RASAL2: variants seen among roughly 807,000 people sequenced by gnomAD.
RASAL2 encodes RAS protein activator like 2, also known as ras GTPase-activating protein nGAP.
A neutral mutation model predicts 128.9 loss-of-function variants in RASAL2; 58 were observed. That is an observed-to-expected ratio of 0.45 (90% CI 0.36 to 0.56). RASAL2 has a LOEUF of 0.56. Ranked by LOEUF, RASAL2 falls within the 20% of genes least tolerant of loss-of-function variation. The pLI, the probability that RASAL2 is intolerant of heterozygous loss-of-function variation, is 0.00. For missense variants in RASAL2, 1,360 were observed against 1,601.6 expected (o/e 0.85, Z 2.57); for synonymous variants, 561 against 580.8 (o/e 0.97, Z 0.49).
chr1:178,332,369 G>T (rs947995423), intron 3 of RASAL2, among the ~76,000 whole-genome samples: 2 of 151,846 alleles, frequency 1.3e-5, no homozygotes, highest in Non-Finnish European at 2.9e-5. Context: ...AGCCAGGGGT[G>T]GTGGCAGGCA....
chr1:178,253,961 G>A (rs1665187891), intron 1 of RASAL2, among the ~76,000 whole-genome samples: 1 of 152,156 alleles, frequency 6.6e-6, no homozygotes, highest in Non-Finnish European at 1.5e-5. Flanking sequence ...ATCCGATCCT[G>A]TAAGTCTTCT....
intron 3 of RASAL2, among the ~76,000 whole-genome samples, chr1:178,355,901 T>C (rs1670779225): frequency 6.6e-6 from 1 of 152,188 alleles, no homozygotes; most frequent in African/African-American, 2.4e-5. Context: ...CCAGGCGCGG[T>C]GGCTCACGCC....
chr1:178,329,356 TTGAATTTCCAGTTTAATAGGCCTG>T (rs1195766802), intron 3 of RASAL2, among the ~76,000 whole-genome samples: 1 of 152,182 alleles, frequency 6.6e-6, no homozygotes, highest in Non-Finnish European at 1.5e-5. Flanking sequence ...TTTGAGTTCC[TTGAATTTCCAGTTTAATAGGCCTG>T]TGAATTTCCA....
At chr1:178,429,131 G>A (rs906212762) in intron 5 of RASAL2, among the ~76,000 whole-genome samples, 1 of 152,034 alleles carries the variant, frequency 6.6e-6, no homozygotes, top group Non-Finnish European at 1.5e-5. Context: ...TCTCTTCCAA[G>A]TGCTCACTTG....
chr1:178,296,654 T>G (rs949360613), intron 2 of RASAL2, among the ~76,000 whole-genome samples: 1 of 150,990 alleles, frequency 6.6e-6, no homozygotes, highest in Non-Finnish European at 1.5e-5. Flanking sequence ...GGAGCCCTAC[T>G]GCACCTGGCC....
At chr1:178,426,292 C>G (rs1281805583) in intron 5 of RASAL2, among the ~76,000 whole-genome samples, 1 of 151,942 alleles carries the variant, frequency 6.6e-6, no homozygotes, top group Non-Finnish European at 1.5e-5. Context: ...CATGATATAC[C>G]CGTACAATAG....
At chr1:178,372,235 T>G (rs1382040006) in intron 3 of RASAL2, 1 of 985,286 alleles carries the variant, frequency 1.0e-6, no homozygotes, top group Non-Finnish European at 1.2e-6. Flanking sequence ...GTTTTCTGGC[T>G]GGAGAATGAG....
At position 178,457,769 on chromosome 1, in the gene RASAL2, C is replaced by T; in HGVS notation, c.2477C>T (p.Ser826Phe). The change falls in exon 14 of 18, where the codon TCC becomes TTC. Residue 826 changes from serine (S) to phenylalanine (F), a missense_variant. Physicochemically the swap from Ser to Phe is radical, Grantham distance 155. This residue lies in a region of RASAL2 where 741 missense variants were observed against 868.6 expected (regional missense o/e 0.85). Coordinates refer to ENST00000367649, the MANE Select transcript of RASAL2 (RefSeq NM_170692.4). Reference protein sequence around the residue: ...GKTLLLVQQASSQSMTYSEKD... With the variant: ...GKTLLLVQQAFSQSMTYSEKD... ...ACATTATTGCTGGTTCAGCAAGCCT[C>T]CTCTCAGAGCATGACTTATTCTGAA... The T allele has an allele frequency of 6.2e-7, 1 of 1,614,210 alleles. No individual in the cohort carries two copies. Among genetic ancestry groups the T allele is most frequent in the Non-Finnish European group, 8.5e-7 (1 of 1,180,026 alleles).
intron 2 of RASAL2, among the ~76,000 whole-genome samples, chr1:178,298,463 G>A (rs927612238): frequency 6.6e-6 from 1 of 152,210 alleles, no homozygotes; most frequent in Non-Finnish European, 1.5e-5. Context: ...GGAGGCATTA[G>A]GAATTTGCTC....
chr1:178,422,006 T>C (rs1675174627), intron 5 of RASAL2, among the ~76,000 whole-genome samples: 1 of 151,806 alleles, frequency 6.6e-6, no homozygotes, highest in Non-Finnish European at 1.5e-5. Context: ...AGAATAACAA[T>C]TTTTTTTCAG....
chr1:178,406,845 C>G (rs1674032832), intron 4 of RASAL2, among the ~76,000 whole-genome samples: 1 of 151,346 alleles, frequency 6.6e-6, no homozygotes, highest in African/African-American at 2.4e-5. Flanking sequence ...AATAATTATA[C>G]ATAATGTAGC....
At chr1:178,244,540 C>T (rs1051727055) in intron 1 of RASAL2, among the ~76,000 whole-genome samples, 2 of 152,126 alleles carry the variant, frequency 1.3e-5, no homozygotes, top group African/African-American at 4.8e-5. Context: ...TGTGCCCAGC[C>T]TATTTCTTCT....
chr1:178,207,209 G>T (rs547534619), intron 1 of RASAL2, among the ~76,000 whole-genome samples: 12 of 150,886 alleles, frequency 8.0e-5, no homozygotes, highest in African/African-American at 2.9e-4. Context: ...TGGAAATACT[G>T]ATGTTATGTA....
intron 1 of RASAL2, among the ~76,000 whole-genome samples, chr1:178,195,133 T>C (rs2101954828): frequency 6.6e-6 from 1 of 152,256 alleles, no homozygotes; most frequent in South Asian, 2.1e-4. Flanking sequence ...TTGAGTAAAG[T>C]GGGGCTAAGA....
chr1:178,212,502 GT>G (rs981416672), intron 1 of RASAL2, among the ~76,000 whole-genome samples: 2 of 151,572 alleles, frequency 1.3e-5, no homozygotes, highest in Admixed American at 1.3e-4. Context: ...TTTTTTTTCT[GT>G]TTTTTTGAGA....
In RASAL2 at chr1:178,165,532, A is replaced by G. The variant is rs1661491212; in HGVS notation, c.202+70838A>G. ...TGAGCATTTGTGGATTTGGGTATCCAAGGGAAGTCCTGGAACTAATCCCCT... is the reference window on the plus strand; with the variant it reads ...TGAGCATTTGTGGATTTGGGTATCCGAGGGAAGTCCTGGAACTAATCCCCT... On this transcript the variant is annotated intron_variant, in intron 1 of 17. Coordinates refer to ENST00000367649, the MANE Select transcript of RASAL2 (RefSeq NM_170692.4). 2.0e-5 allele frequency among the ~76,000 whole-genome samples: 3 copies of G among 152,196 alleles called. No homozygotes were observed. The South Asian group carries it at 6.2e-4, about 32-fold the overall frequency.
intron 1 of RASAL2, among the ~76,000 whole-genome samples, chr1:178,125,891 G>C (rs1356200332): frequency 6.6e-6 from 1 of 152,164 alleles, no homozygotes; most frequent in Non-Finnish European, 1.5e-5. Context: ...AAATTGTATT[G>C]TTGATATAGT....
At chr1:178,140,766 C>T (rs2102329339) in intron 1 of RASAL2, among the ~76,000 whole-genome samples, 1 of 152,334 alleles carries the variant, frequency 6.6e-6, no homozygotes, top group Non-Finnish European at 1.5e-5. Context: ...AATTTGTGAA[C>T]TCCTCACATG....
chr1:178,109,148 T>A (rs187365325), intron 1 of RASAL2, among the ~76,000 whole-genome samples: 1 of 152,328 alleles, frequency 6.6e-6, no homozygotes, highest in East Asian at 1.9e-4. Context: ...CTCTCTACTT[T>A]AATATTAGTA....
Sources: gnomAD v4.1 joint callset for allele counts (sites outside exome capture counted in the v4.1 genomes callset) on GRCh38, gnomAD v4.1.1 for gene constraint, gnomAD v4.1.1 regional missense constraint, MANE v1.5 for transcripts, NCBI Gene and HGNC (gene_info 2026-07-23, HGNC 2026-07-21) for gene names.